Variants in SVOPL observed in about 807,000 individuals in gnomAD.
The protein encoded by SVOPL is putative transporter SVOPL.
A neutral mutation model predicts 61.0 loss-of-function variants in SVOPL; 60 were observed. That is an observed-to-expected ratio of 0.98 (90% CI 0.80 to 1.22). The LOEUF (loss-of-function observed/expected upper bound fraction) is 1.22. Among genes scored for constraint, SVOPL ranks in the 50% most tolerant of loss-of-function variants. SVOPL has a pLI of 0.00. For missense variants in SVOPL, 662 were observed against 643.9 expected, an observed-to-expected ratio of 1.03 and a Z score of -0.30; for synonymous variants, 279 against 250.0, an observed-to-expected ratio of 1.12 and a Z score of -1.09.
At chr7:138,667,284 A>T (rs1306613114) in intron 4 of SVOPL, among the ~76,000 whole-genome samples, 1 of 152,200 alleles carries the variant, frequency 6.6e-6, no homozygotes, top group Non-Finnish European at 1.5e-5. Flanking sequence ...CCCCATGGAA[A>T]ATTCTTTGCT....
intron 4 of SVOPL, among the ~76,000 whole-genome samples, chr7:138,671,359 T>C (rs988442396): frequency 6.6e-6 from 1 of 152,200 alleles, no homozygotes; most frequent in Non-Finnish European, 1.5e-5. Flanking sequence ...CTATTTTTTC[T>C]TTTTTGAGAT....
Position 138,678,109 on chromosome 7 carries a change from C to A in SVOPL, c.174+325G>T, listed in dbSNP as rs189816345. 6.0e-4 allele frequency among the ~76,000 whole-genome samples: 92 copies of A among 152,246 alleles called. 1 individual carries two copies. Among genetic ancestry groups the A allele is most frequent in the Admixed American group, 4.6e-3 (71 of 15,276 alleles). On this transcript the variant is annotated intron_variant, in intron 3 of 15. Coordinates refer to ENST00000674285, the MANE Select transcript of SVOPL (RefSeq NM_001139456.2). The stretch of plus-strand genomic sequence containing the variant: ...TTGAACATCTCCTTTCTATCAATCC[C>A]AGGTCTGTAGACAAACTCAACCAAT...
At position 138,660,812 on chromosome 7, in the gene SVOPL, G is replaced by C. The variant is rs960030682; in HGVS notation, c.346-824C>G. ...TTTAATAATATTATATAATAATAAT[G>C]ATATATTAACACCAACAGGGTGTTA... On this transcript the variant is annotated intron_variant, in intron 5 of 15. Coordinates refer to ENST00000674285, the MANE Select transcript of SVOPL (RefSeq NM_001139456.2). 3.1e-6 allele frequency: 3 copies of C among 974,730 alleles called. No homozygotes were observed. In the African/African-American group the frequency reaches 5.3e-5, roughly 17 times the overall value. The allele number at this position is 974,730 out of a possible 1,614,324, so 60.4% of individuals were successfully genotyped here.
intron 14 of SVOPL, among the ~76,000 whole-genome samples, chr7:138,601,376 A>T (rs954644094): frequency 6.6e-6 from 1 of 152,158 alleles, no homozygotes; most frequent in Non-Finnish European, 1.5e-5. Context: ...AGTGTCCACC[A>T]ACAGATGAAT....
intron 14 of SVOPL, among the ~76,000 whole-genome samples, chr7:138,616,609 T>TA (rs1799315550): frequency 6.6e-6 from 1 of 152,220 alleles, no homozygotes; most frequent in African/African-American, 2.4e-5. Context: ...GTGCTGGGAT[T>TA]ACAGACATGA....
intron 14 of SVOPL, among the ~76,000 whole-genome samples, chr7:138,604,252 C>T (rs1235051507): frequency 1.3e-5 from 2 of 152,156 alleles, no homozygotes; most frequent in Non-Finnish European, 2.9e-5. Flanking sequence ...GCGTAAGCCA[C>T]CATGCCTGGT....
intron 4 of SVOPL, chr7:138,663,639 C>G: frequency 4.1e-6 from 4 of 976,204 alleles, no homozygotes; most frequent in Non-Finnish European, 4.9e-6. Flanking sequence ...TTTCCTTACT[C>G]GTTCTCACAA....
At chr7:138,624,656 G>A (rs1425107413) in intron 13 of SVOPL, among the ~76,000 whole-genome samples, 1 of 150,958 alleles carries the variant, frequency 6.6e-6, no homozygotes, top group African/African-American at 2.4e-5. Context: ...CATATATTAT[G>A]CTTTTAAATT....
chr7:138,647,397 A>G (rs1281745756), intron 8 of SVOPL, among the ~76,000 whole-genome samples: 2 of 151,978 alleles, frequency 1.3e-5, no homozygotes, highest in Non-Finnish European at 2.9e-5. Flanking sequence ...AGAAAAATGA[A>G]AAAAAGATGA....
intron 5 of SVOPL, chr7:138,662,066 T>C: frequency 1.0e-6 from 1 of 985,456 alleles, no homozygotes; most frequent in Non-Finnish European, 1.2e-6. Flanking sequence ...TTCCTTTAGG[T>C]TGAGGTCTAC....
chr7:138,631,624 A>G (rs1800194012), intron 9 of SVOPL, among the ~76,000 whole-genome samples: 1 of 152,134 alleles, frequency 6.6e-6, no homozygotes, highest in African/African-American at 2.4e-5. Context: ...ACTAGAGTGC[A>G]ATGGCGTGAT....
intron 14 of SVOPL, among the ~76,000 whole-genome samples, chr7:138,602,330 T>C (rs2116760185): frequency 6.6e-6 from 1 of 152,200 alleles, no homozygotes; most frequent in East Asian, 1.9e-4. Context: ...GACAAGGTGA[T>C]GGCTATCTAA....
intron 15 of SVOPL, 128 bp from the exon 16 acceptor site, chr7:138,594,749 G>C: frequency 1.7e-6 from 1 of 576,968 alleles, no homozygotes; most frequent in South Asian, 3.7e-5. Flanking sequence ...GAAAATCCTA[G>C]CATTTACCTT....
chr7:138,671,975 C>A, intron 4 of SVOPL, 44 bp downstream of exon 4: 1 of 1,521,510 alleles, frequency 6.6e-7, no homozygotes. Context: ...AGGGAGCCTA[C>A]GCCCTCAGTT....
intron 8 of SVOPL, 135 bp from the exon 9 acceptor site, chr7:138,644,980 T>C (rs759747821): frequency 8.0e-5 from 90 of 1,129,386 alleles, no homozygotes; most frequent in Non-Finnish European, 1.0e-4. Context: ...AGGCATGCAA[T>C]GTAGCAGGTA....
chr7:138,599,823 G>A (rs1490743813), intron 14 of SVOPL, among the ~76,000 whole-genome samples: 1 of 150,792 alleles, frequency 6.6e-6, no homozygotes, highest in Admixed American at 6.6e-5. Flanking sequence ...AGGAGGCAGA[G>A]GTTGCAGTGA....
intron 14 of SVOPL, among the ~76,000 whole-genome samples, chr7:138,612,822 T>C (rs1799114099): frequency 6.6e-6 from 1 of 151,236 alleles, no homozygotes; most frequent in Admixed American, 6.6e-5. Flanking sequence ...GCCAGAAATG[T>C]AAATTTTTTA....
At chr7:138,661,799 T>C (rs1363235032) in intron 5 of SVOPL, 5 of 952,814 alleles carry the variant, frequency 5.2e-6, no homozygotes, top group Non-Finnish European at 6.2e-6. Context: ...TCAGGGCAAC[T>C]GGACTGTATG....
At chr7:138,672,904 CAAAAA>C (rs71179720) in intron 3 of SVOPL, among the ~76,000 whole-genome samples, 9 of 103,722 alleles carry the variant, frequency 8.7e-5, no homozygotes, top group Admixed American at 2.0e-4. Flanking sequence ...GTTTGTCTCT[CAAAAA>C]AAAAAAAAAA....
Sources: allele counts gnomAD v4.1 joint callset (sites outside exome capture counted in the v4.1 genomes callset), GRCh38; gene constraint gnomAD v4.1.1; transcripts MANE v1.5; gene names NCBI Gene and HGNC (gene_info 2026-07-23, HGNC 2026-07-21).